The following CPAMD8 variants were observed in gnomAD, a reference collection of about 807,000 sequenced individuals.
CPAMD8 encodes C3 and PZP-like alpha-2-macroglobulin domain-containing protein 8.
In CPAMD8, 146 loss-of-function variants were observed where a neutral mutation model predicts 224.7. The observed-to-expected ratio is 0.65, with a 90% CI of 0.57 to 0.75. CPAMD8 has a LOEUF of 0.75. Among genes scored for constraint, CPAMD8 ranks in the 30% least tolerant of loss-of-function variants. CPAMD8 has a pLI of 0.00. For missense variants in CPAMD8, 2,301 were observed against 2,537.5 expected (o/e 0.91, Z 2.00); for synonymous variants, 966 against 1,044.6 (o/e 0.92, Z 1.45).
intron 9 of CPAMD8, among the ~76,000 whole-genome samples, chr19:17,001,470 C>A (rs915562712): frequency 3.1e-5 from 3 of 97,846 alleles, no homozygotes; most frequent in African/African-American, 1.5e-4. Flanking sequence ...GGGTCACACC[C>A]TGGGGGGTAG....
intron 7 of CPAMD8, among the ~76,000 whole-genome samples, chr19:17,006,533 A>G (rs1411124236): frequency 9.6e-6 from 1 of 103,742 alleles, no homozygotes; most frequent in Non-Finnish European, 2.1e-5. Context: ...CCTCTTGAGA[A>G]AAAAAAAAAA....
chr19:16,987,771 C>G (rs1210274633), intron 13 of CPAMD8, among the ~76,000 whole-genome samples: 18 of 152,068 alleles, frequency 1.2e-4, no homozygotes, highest in Admixed American at 1.2e-3. Context: ...CTGCCTCAGC[C>G]TCTTGAGTAA....
intron 20 of CPAMD8, among the ~76,000 whole-genome samples, chr19:16,950,814 A>G (rs888947105): frequency 1.3e-5 from 2 of 150,868 alleles, no homozygotes; most frequent in Non-Finnish European, 1.5e-5. Context: ...AAAAAAAAAA[A>G]AGAGAAAGAG....
In CPAMD8 at chr19:16,914,495, C is replaced by T; in HGVS notation, c.3790G>A (p.Gly1264Arg). ...GRVLNKDIQG[G>R]IHGTVPLTAY... ...GTCAGCGGGACAGTGCCGTGGATCC[C>T]ACCCTGCAAGGGGACTCACAGGCCT... is the stretch of plus-strand genomic sequence containing the variant. Residue 1264 changes from glycine to arginine, a missense_variant, in exon 29 of 42, where the codon GGG becomes AGG. Physicochemically the swap from Gly to Arg is moderately radical, Grantham distance 125. Around this residue, in one of 4 missense-constraint regions of CPAMD8, gnomAD observed 1,709 missense variants for 1,753.2 expected, o/e 0.97. Coordinates refer to ENST00000443236, the MANE Select transcript of CPAMD8 (RefSeq NM_015692.5). 6.2e-7 allele frequency: 1 copy of T among 1,614,134 alleles called. No homozygotes were observed. The highest frequency in any genetic ancestry group is 8.5e-7 in the Non-Finnish European group (1 of 1,180,002).
At chr19:17,021,179 A>C (rs57715965) in intron 2 of CPAMD8, among the ~76,000 whole-genome samples, 21,375 of 152,130 alleles carry the variant, frequency 0.14, 1,743 homozygotes, top group African/African-American at 0.17. Flanking sequence ...TCTTAAGGAG[A>C]GACCTGGTTG....
intron 30 of CPAMD8, among the ~76,000 whole-genome samples, chr19:16,905,084 T>C (rs1261999829): frequency 1.3e-5 from 2 of 151,062 alleles, no homozygotes; most frequent in East Asian, 3.9e-4. Context: ...CTACTAAAAA[T>C]ACAAAAATTA....
intron 23 of CPAMD8, among the ~76,000 whole-genome samples, chr19:16,932,374 T>C (rs936256591): frequency 6.6e-6 from 1 of 152,106 alleles, no homozygotes; most frequent in African/African-American, 2.4e-5. Flanking sequence ...TGAGCCATGA[T>C]TGTGCCACTG....
intron 22 of CPAMD8, among the ~76,000 whole-genome samples, chr19:16,939,922 GT>G (rs914602954): frequency 1.3e-5 from 2 of 149,062 alleles, no homozygotes; most frequent in Admixed American, 6.7e-5. Flanking sequence ...TTTTGTTTTT[GT>G]TTTTTTTTAG....
chr19:16,959,761 G>A (rs962923091), intron 18 of CPAMD8, among the ~76,000 whole-genome samples: 4 of 151,512 alleles, frequency 2.6e-5, no homozygotes, highest in East Asian at 2.0e-4. Context: ...GGCTGGTCTC[G>A]AACTCCTGAC....
intron 11 of CPAMD8, 131 bp from the exon 12 acceptor site, chr19:16,993,717 A>C: frequency 1.2e-6 from 1 of 822,252 alleles, no homozygotes; most frequent in Non-Finnish European, 1.9e-6. Context: ...TGCTCCTGAA[A>C]TTCACAGGGC....
intron 3 of CPAMD8, among the ~76,000 whole-genome samples, 195 bp downstream of exon 3, chr19:17,020,136 G>A (rs1313790744): frequency 4.6e-5 from 7 of 151,316 alleles, no homozygotes; most frequent in African/African-American, 1.7e-4. Context: ...CACCACGCCT[G>A]GCTAATTTTG....
chr19:16,947,319 A>T (rs1003712138), intron 20 of CPAMD8, 92 bp from the exon 21 acceptor site: 5 of 1,424,816 alleles, frequency 3.5e-6, no homozygotes, highest in Non-Finnish European at 4.7e-6. Context: ...CTCACTGCAC[A>T]CACCAGACTT....
chr19:16,968,113 G>C (rs1242856426), intron 18 of CPAMD8, among the ~76,000 whole-genome samples: 5 of 152,158 alleles, frequency 3.3e-5, no homozygotes, highest in Non-Finnish European at 7.4e-5. Context: ...GCTCTCAGGG[G>C]TTATGCATGT....
At chr19:17,022,009 T>C in intron 2 of CPAMD8, 21 bp downstream of exon 2, 1 of 1,575,718 alleles carries the variant, frequency 6.3e-7, no homozygotes, top group Non-Finnish European at 8.6e-7. Context: ...GAAGTCCTGG[T>C]CTGGCACCCA....
intron 34 of CPAMD8, among the ~76,000 whole-genome samples, 169 bp from the exon 35 acceptor site, chr19:16,903,032 T>C (rs1471951138): frequency 6.6e-6 from 1 of 152,150 alleles, no homozygotes; most frequent in African/African-American, 2.4e-5. Context: ...TTGAAATCAC[T>C]GAAGCGGGTG....
At chr19:16,991,621 G>C (rs1415014193) in intron 12 of CPAMD8, among the ~76,000 whole-genome samples, 1 of 152,144 alleles carries the variant, frequency 6.6e-6, no homozygotes, top group Non-Finnish European at 1.5e-5. Context: ...TTGGGAGGCC[G>C]AGGCAGGTGG....
chr19:16,960,871 C>T (rs1472860841), intron 18 of CPAMD8, among the ~76,000 whole-genome samples: 3 of 151,026 alleles, frequency 2.0e-5, no homozygotes, highest in Admixed American at 2.0e-4. Flanking sequence ...CCAGCATGGG[C>T]AACAGAGTGA....
intron 13 of CPAMD8, among the ~76,000 whole-genome samples, chr19:16,984,122 A>T (rs2055621547): frequency 1.3e-5 from 2 of 152,050 alleles, no homozygotes; most frequent in South Asian, 4.1e-4. Context: ...TTTTTAACAA[A>T]CAGTGCTGAG....
intron 27 of CPAMD8, among the ~76,000 whole-genome samples, chr19:16,920,921 C>T (rs1462921996): frequency 6.6e-6 from 1 of 151,204 alleles, no homozygotes; most frequent in African/African-American, 2.4e-5. Context: ...CTGGTGGAGG[C>T]CTCCTAGGGG....
Sources: allele counts gnomAD v4.1 joint callset (sites outside exome capture counted in the v4.1 genomes callset), GRCh38; gene constraint gnomAD v4.1.1; regional missense constraint gnomAD v4.1.1; transcripts MANE v1.5; gene names NCBI Gene and HGNC (gene_info 2026-07-23, HGNC 2026-07-21).